The following HP1BP3 variants were observed in gnomAD, a reference collection of about 807,000 sequenced individuals.
HP1BP3 encodes heterochromatin protein 1 binding protein 3, also known as heterochromatin protein 1-binding protein 3.
HP1BP3 carries 12 observed loss-of-function variants against 62.5 expected under a neutral mutation model. That is an observed-to-expected ratio of 0.19 (90% CI 0.12 to 0.31). HP1BP3 has a LOEUF of 0.31. Ranked by LOEUF, HP1BP3 falls within the 10% of genes least tolerant of loss-of-function variation. The pLI is 1.00. For synonymous variants in HP1BP3, 260 were observed against 237.8 expected, an observed-to-expected ratio of 1.09 and a Z score of -0.86; for missense variants, 502 against 651.8, an observed-to-expected ratio of 0.77 and a Z score of 2.50.
intron 4 of HP1BP3, 43 bp from the exon 5 acceptor site, chr1:20,773,653 GA>G: frequency 2.2e-6 from 3 of 1,365,748 alleles, no homozygotes; most frequent in Non-Finnish European, 3.0e-6. Flanking sequence ...AAGCTCTCTA[GA>G]AAGACGTATA....
chr1:20,759,401 C>T (rs1323326690), intron 8 of HP1BP3, among the ~76,000 whole-genome samples: 1 of 152,024 alleles, frequency 6.6e-6, no homozygotes, highest in East Asian at 1.9e-4. Context: ...AAAACTCTGT[C>T]TCCAAACAAA....
chr1:20,771,201 C>A lies in HP1BP3; in HGVS notation c.511-128G>T, dbSNP rs916097689. ...AAAAACGGTAGGGAAGAATGAACTT[C>A]AGAAGACTTCAGTTCATAATGACTA... is the stretch of plus-strand genomic sequence containing the variant. On this transcript the variant is annotated intron_variant, in intron 5 of 12. Transcript: ENST00000438032. 4 of 677,416 alleles carry A rather than the reference C, an allele frequency of 5.9e-6. No individual in the cohort carries two copies. The South Asian group carries it at 7.4e-5, about 13-fold the overall frequency. 42.0% of individuals were successfully genotyped at this position (677,416 alleles called of 1,614,324 possible).
chr1:20,771,168 T>A, intron 5 of HP1BP3, 95 bp from the exon 6 acceptor site: 1 of 1,037,164 alleles, frequency 9.6e-7, no homozygotes, highest in Middle Eastern at 2.1e-4. Flanking sequence ...AATTTGATGA[T>A]AGATGACAAA....
In HP1BP3 at chr1:20,740,811, C is replaced by T. The variant is rs1467326401; in HGVS notation, c.*3986G>A. Among the ~76,000 whole-genome samples the T allele has an allele frequency of 3.9e-5, 6 of 152,170 alleles. No individual in the cohort carries two copies. Among genetic ancestry groups the T allele is most frequent in the Non-Finnish European group, 7.3e-5 (5 of 68,032 alleles). On this transcript the variant is annotated 3_prime_UTR_variant, in exon 13 of 13. Transcript: ENST00000438032. ...GCAGCCTTAGTGACACAGCAAACTC[C>T]ATCTCAAAAAAATAATAAGTAAAAG... is the stretch of plus-strand genomic sequence containing the variant.
chr1:20,757,900 C>T (rs1438059279), intron 8 of HP1BP3, among the ~76,000 whole-genome samples: 2 of 151,362 alleles, frequency 1.3e-5, no homozygotes, highest in Non-Finnish European at 2.9e-5. Context: ...AATCCCAATA[C>T]TTTGGGAGGC....
rs201817274 is a variant in HP1BP3, at chr1:20,757,237, C to T, written c.910G>A (p.Ala304Thr). The T allele has an allele frequency of 2.1e-5, 33 of 1,605,542 alleles. No individual in the cohort carries two copies. In the African/African-American group the frequency reaches 2.3e-4, roughly 11 times the overall value. The change falls in exon 9 of 13, where the codon GCT becomes ACT. Residue 304 changes from alanine to threonine, a missense_variant. Physicochemically the swap from Ala to Thr is moderately conservative, Grantham distance 58. Around this residue, in one of 5 missense-constraint regions of HP1BP3, gnomAD observed 111 missense variants for 242.0 expected, o/e 0.46. Coordinates refer to ENST00000438032, the MANE Select transcript of HP1BP3 (RefSeq NM_001372052.1). Reference protein sequence around the residue: ...VDIRPQLLKNALQRAVERGQL... With the variant: ...VDIRPQLLKNTLQRAVERGQL... ...CCCCTCTCTACTGCTCTCTGCAGAG[C>T]GTTCTTCAACAGCTGAGGCCTGCAA...
At chr1:20,755,287 G>C (rs1465394892) in intron 9 of HP1BP3, 1 of 405,230 alleles carries the variant, frequency 2.5e-6, no homozygotes, top group Non-Finnish European at 5.2e-6. Flanking sequence ...TCGAGCCCTG[G>C]TCAGGTGTGG....
In HP1BP3 at chr1:20,742,767, T is replaced by A. The variant is rs2154539298; in HGVS notation, c.*2030A>T. On this transcript the variant is annotated 3_prime_UTR_variant, in exon 13 of 13. Coordinates refer to ENST00000438032, the MANE Select transcript of HP1BP3 (RefSeq NM_001372052.1). ...TTACAACAGGAAAGATTGCCTTACATGCAACACAAATTCCAATGAATTCAT... is the reference window on the plus strand; with the variant it reads ...TTACAACAGGAAAGATTGCCTTACAAGCAACACAAATTCCAATGAATTCAT... 6.5e-6 allele frequency: 1 copy of A among 152,748 alleles called. No homozygotes were observed. Among genetic ancestry groups the A allele is most frequent in the Non-Finnish European group, 1.5e-5 (1 of 68,040 alleles). 9.5% of individuals were successfully genotyped at this position (152,748 alleles called of 1,614,324 possible).
intron 1 of HP1BP3, among the ~76,000 whole-genome samples, chr1:20,786,904 C>T (rs1342250677): frequency 6.6e-6 from 1 of 152,036 alleles, no homozygotes; most frequent in African/African-American, 2.4e-5. Flanking sequence ...GAAGAGCTCC[C>T]CCTCCTCCCC....
At chr1:20,769,103 T>C (rs752266623) in intron 6 of HP1BP3, among the ~76,000 whole-genome samples, 1 of 152,094 alleles carries the variant, frequency 6.6e-6, no homozygotes, top group Non-Finnish European at 1.5e-5. Flanking sequence ...TTTTGTTTTA[T>C]TTTAGAGACA....
rs1331818346 is a variant in HP1BP3, at chr1:20,773,508, T to C, written c.453A>G (p.Thr151=). The change falls in exon 5 of 13, where the codon ACA becomes ACG. Residue 151 remains threonine, a synonymous_variant. Transcript: ENST00000438032. The part of the protein sequence containing the change: ...ASQLARAQKQ[T]PMASSPRPKM... ...TGGGACGTGGGGAAGAAGCCATCGG[T>C]GTTTGTTTCTGGGCCCTGGCTAGCT... 6 of 1,612,520 alleles carry C rather than the reference T, an allele frequency of 3.7e-6. No homozygotes were observed. In the Admixed American group the frequency reaches 1.0e-4, roughly 27 times the overall value.
Position 20,744,817 on chromosome 1 carries a change from A to C in HP1BP3, c.1642T>G (p.Ser548Ala). ...AAAATTTACTTTTTCACTCTGAAAG[A>C]CTTCTTCATGGTGGATTTGCCCTTG... is the stretch of plus-strand genomic sequence containing the variant. ...PGKGKSTMKK[S>A]FRVKK The change falls in exon 13 of 13, where the codon TCT becomes GCT. Residue 548 changes from serine (S) to alanine (A), a missense_variant. Transcript: ENST00000438032. 6.2e-7 allele frequency: 1 copy of C among 1,607,214 alleles called. No individual in the cohort carries two copies. The highest frequency in any genetic ancestry group is 8.5e-7 in the Non-Finnish European group (1 of 1,178,370).
intron 4 of HP1BP3, 154 bp from the exon 5 acceptor site, chr1:20,773,764 A>G (rs2057167540): frequency 4.2e-6 from 2 of 476,636 alleles, no homozygotes; most frequent in Non-Finnish European, 7.1e-6. Context: ...TTTACAAAAT[A>G]AATCTTCTTT....
At chr1:20,755,728 GA>G (rs1414772867) in intron 9 of HP1BP3, among the ~76,000 whole-genome samples, 2 of 152,116 alleles carry the variant, frequency 1.3e-5, no homozygotes, top group Non-Finnish European at 2.9e-5. Flanking sequence ...CTGAAAAGTA[GA>G]AATAATCCAA....
intron 8 of HP1BP3, among the ~76,000 whole-genome samples, chr1:20,760,123 G>A (rs1454289691): frequency 1.3e-5 from 2 of 152,196 alleles, no homozygotes; most frequent in Middle Eastern, 3.4e-3. Context: ...TCTTGACCTT[G>A]TGATCCACCC....
chr1:20,782,666 C>T (rs1229321794), intron 1 of HP1BP3, among the ~76,000 whole-genome samples: 8 of 151,608 alleles, frequency 5.3e-5, no homozygotes, highest in Non-Finnish European at 2.9e-5. Flanking sequence ...CTTTGGGAGG[C>T]CGAGGCGGAT....
rs750562492 is a variant in HP1BP3 at position 20,779,769 on chromosome 1, T to C, written c.196+43A>G. On this transcript the variant is annotated intron_variant, in intron 3 of 12. Transcript: ENST00000438032. Reference sequence around the variant, plus strand: ...ATTTATGGGACACTCCAAATTGCAGTATAACTTTTGATGTTTTAAGCTGTG... The same window carrying C: ...ATTTATGGGACACTCCAAATTGCAGCATAACTTTTGATGTTTTAAGCTGTG... 9 of 1,317,386 alleles carry C rather than the reference T, an allele frequency of 6.8e-6. No homozygotes were observed. The South Asian group carries it at 1.0e-4, about 15-fold the overall frequency. 81.6% of individuals were successfully genotyped at this position (1,317,386 alleles called of 1,614,324 possible).
At chr1:20,755,145 T>A (rs2056021865) in intron 9 of HP1BP3, among the ~76,000 whole-genome samples, 1 of 152,156 alleles carries the variant, frequency 6.6e-6, no homozygotes, top group Non-Finnish European at 1.5e-5. Context: ...CAAATGGCCT[T>A]AAGCACAAGA....
At chr1:20,776,056 C>G in intron 4 of HP1BP3, 1 of 1,432,648 alleles carries the variant, frequency 7.0e-7, no homozygotes, top group East Asian at 2.5e-5. Context: ...ACTGCCATCA[C>G]TTTATATAGA....
Sources: allele counts gnomAD v4.1 joint callset (sites outside exome capture counted in the v4.1 genomes callset), GRCh38; gene constraint gnomAD v4.1.1; regional missense constraint gnomAD v4.1.1; transcripts MANE v1.5; gene names NCBI Gene and HGNC (gene_info 2026-07-23, HGNC 2026-07-21).